Variants in C8orf34 observed in about 807,000 individuals in gnomAD.
The protein encoded by C8orf34 is uncharacterized protein C8orf34.
C8orf34 carries 65 observed loss-of-function variants against 68.3 expected under a neutral mutation model. The ratio of observed to expected loss-of-function variants is 0.95; its 90% CI spans 0.78 to 1.17. C8orf34 has a LOEUF of 1.17. C8orf34 is among the 50% of genes most tolerant of loss of function. The pLI is 0.00. For missense variants in C8orf34, 664 were observed against 655.4 expected, an observed-to-expected ratio of 1.01 and a Z score of -0.14; for synonymous variants, 244 against 241.2, an observed-to-expected ratio of 1.01 and a Z score of -0.11.
intron 12 of C8orf34, among the ~76,000 whole-genome samples, chr8:68,790,484 G>T (rs1823963041): frequency 6.6e-6 from 1 of 152,100 alleles, no homozygotes; most frequent in Non-Finnish European, 1.5e-5. Flanking sequence ...CAGGGGTAAT[G>T]CATATTTCTT....
intron 3 of C8orf34, among the ~76,000 whole-genome samples, chr8:68,465,623 A>G (rs969041076): frequency 3.3e-5 from 5 of 152,164 alleles, no homozygotes; most frequent in Admixed American, 2.6e-4. Context: ...ATGCAGCCAT[A>G]AAAAATGATG....
intron 2 of C8orf34, among the ~76,000 whole-genome samples, chr8:68,440,761 T>C (rs1810866272): frequency 6.6e-6 from 1 of 152,072 alleles, no homozygotes; most frequent in Non-Finnish European, 1.5e-5. Context: ...TGTGAGTCCA[T>C]ATTTTATAAA....
intron 1 of C8orf34, among the ~76,000 whole-genome samples, chr8:68,338,297 T>G (rs769990388): frequency 3.3e-5 from 5 of 152,186 alleles, no homozygotes; most frequent in African/African-American, 4.8e-5. Context: ...CCCCTTCAGA[T>G]TGGCAACATA....
rs1312276719 is a variant in C8orf34 at position 68,492,345 on chromosome 8, T to C, written c.765+4294T>C. On this transcript the variant is annotated intron_variant, in intron 5 of 13. Transcript: ENST00000518698. ...CCTGGGCTCAAATGACCCTCCCACCTCAGCCTCTTGAGTAGCTGGGACTAC... is the reference window on the plus strand; with the variant it reads ...CCTGGGCTCAAATGACCCTCCCACCCCAGCCTCTTGAGTAGCTGGGACTAC... Among the ~76,000 whole-genome samples, 4 of 152,124 alleles carry C rather than the reference T, an allele frequency of 2.6e-5. No homozygotes were observed. The East Asian group carries it at 7.7e-4, about 29-fold the overall frequency.
chr8:68,539,181 G>T (rs781245309), intron 7 of C8orf34, among the ~76,000 whole-genome samples: 13 of 152,120 alleles, frequency 8.5e-5, no homozygotes, highest in Non-Finnish European at 1.8e-4. Context: ...TGTTGCTTTT[G>T]AAATAAACTT....
chr8:68,707,994 T>G (rs1302481400), intron 8 of C8orf34, among the ~76,000 whole-genome samples: 1 of 152,184 alleles, frequency 6.6e-6, no homozygotes, highest in Non-Finnish European at 1.5e-5. Context: ...AATATGTAGC[T>G]AATTTATTTA....
intron 10 of C8orf34, among the ~76,000 whole-genome samples, chr8:68,774,765 A>G (rs1393264934): frequency 6.6e-6 from 1 of 151,560 alleles, no homozygotes; most frequent in Non-Finnish European, 1.5e-5. Context: ...AACTAAAATG[A>G]ATTTAATTTT....
intron 12 of C8orf34, among the ~76,000 whole-genome samples, chr8:68,790,500 A>G (rs536108768): frequency 1.2e-4 from 19 of 152,214 alleles, no homozygotes; most frequent in Non-Finnish European, 2.4e-4. Flanking sequence ...TTCTTATTGC[A>G]CCATTTAAAA....
intron 7 of C8orf34, chr8:68,625,649 G>A: frequency 1.4e-6 from 1 of 701,426 alleles, no homozygotes; most frequent in Non-Finnish European, 2.6e-6. Flanking sequence ...TCTCAGCGGT[G>A]GGAAAGGTAT....
chr8:68,677,982 A>C (rs145333054), intron 8 of C8orf34, among the ~76,000 whole-genome samples: 37 of 152,242 alleles, frequency 2.4e-4, no homozygotes, highest in African/African-American at 8.9e-4. Context: ...GGAAAACCTA[A>C]AAGAAGTGGA....
At chr8:68,585,624 T>G (rs1817186405) in intron 7 of C8orf34, among the ~76,000 whole-genome samples, 1 of 152,120 alleles carries the variant, frequency 6.6e-6, no homozygotes, top group Non-Finnish European at 1.5e-5. Context: ...TGGGCAGCTT[T>G]GGTTTAGGGT....
intron 5 of C8orf34, among the ~76,000 whole-genome samples, chr8:68,512,979 G>C (rs1050267886): frequency 6.6e-6 from 1 of 152,118 alleles, no homozygotes; most frequent in Non-Finnish European, 1.5e-5. Context: ...AATTAAGGGC[G>C]TGATTAGTTC....
At chr8:68,630,930 C>T (rs571984642) in intron 7 of C8orf34, among the ~76,000 whole-genome samples, 288 of 148,410 alleles carry the variant, frequency 1.9e-3, no homozygotes, top group Non-Finnish European at 3.5e-3. Context: ...CAGGCATGCC[C>T]CAACATGCCC....
At chr8:68,815,613 T>C (rs931204500) in intron 12 of C8orf34, among the ~76,000 whole-genome samples, 1 of 152,066 alleles carries the variant, frequency 6.6e-6, no homozygotes, top group Admixed American at 6.6e-5. Context: ...TACATACATA[T>C]CCAGAACACT....
At chr8:68,362,465 C>T (rs994076017) in intron 1 of C8orf34, among the ~76,000 whole-genome samples, 3 of 152,214 alleles carry the variant, frequency 2.0e-5, no homozygotes, top group East Asian at 1.9e-4. Context: ...CAGCTCCCAG[C>T]GTGAGCGACG....
chr8:68,437,505 C>A (rs1313727495), intron 1 of C8orf34, among the ~76,000 whole-genome samples: 1 of 151,930 alleles, frequency 6.6e-6, no homozygotes, highest in Non-Finnish European at 1.5e-5. Flanking sequence ...AAAATTAGTT[C>A]AAATAAAGCA....
At chr8:68,455,038 C>T (rs2129627968) in intron 3 of C8orf34, among the ~76,000 whole-genome samples, 1 of 151,888 alleles carries the variant, frequency 6.6e-6, no homozygotes, top group South Asian at 2.1e-4. Flanking sequence ...GTTTAATTTT[C>T]CCATATTTGT....
intron 8 of C8orf34, among the ~76,000 whole-genome samples, chr8:68,676,344 A>G (rs1306492261): frequency 6.6e-6 from 1 of 152,140 alleles, no homozygotes; most frequent in Admixed American, 6.5e-5. Flanking sequence ...AAAAGAAAAA[A>G]AAAATGCACC....
intron 11 of C8orf34, among the ~76,000 whole-genome samples, chr8:68,779,846 A>T (rs1438674857): frequency 1.3e-5 from 2 of 151,792 alleles, no homozygotes; most frequent in African/African-American, 4.8e-5. Context: ...GGAAATGAAG[A>T]TCTTTTTTCA....
Sources: gnomAD v4.1 joint callset for allele counts (sites outside exome capture counted in the v4.1 genomes callset) on GRCh38, gnomAD v4.1.1 for gene constraint, MANE v1.5 for transcripts, NCBI Gene and HGNC (gene_info 2026-07-23, HGNC 2026-07-21) for gene names.